Variants in ANK2 observed in about 807,000 individuals in gnomAD.
The protein encoded by ANK2 is ankyrin-2.
ANK2 carries 83 observed loss-of-function variants against 360.5 expected under a neutral mutation model. The observed-to-expected ratio is 0.23, with a 90% CI of 0.19 to 0.28. The LOEUF is 0.28. ANK2 is among the 10% of genes least tolerant of loss of function. The pLI is 1.00. For missense variants in ANK2, 4,201 were observed against 4,795.7 expected (o/e 0.88, Z 3.66); for synonymous variants, 1,740 against 1,759.5 (o/e 0.99, Z 0.28).
Position 113,277,859 on chromosome 4 carries a change from T to C in ANK2, c.1706T>C (p.Val569Ala). Residue 569 changes from valine (V) to alanine (A), a missense_variant, in exon 16 of 46, where the codon GTA (valine) becomes GCA (alanine). Transcript: ENST00000357077. ...ATKKGFTPLH[V>A]AAKYGSLDVA... ...CAGAAGGGTTTTACTCCCCTGCATG[T>C]AGCAGCCAAGTATGGAAGCCTGGAT... 1 of 1,613,932 alleles carries C rather than the reference T, an allele frequency of 6.2e-7. No homozygotes were observed. Among genetic ancestry groups the C allele is most frequent in the Non-Finnish European group, 8.5e-7 (1 of 1,179,776 alleles).
the ANK2 span, among the ~76,000 whole-genome samples, chr4:112,782,304 T>C: frequency 6.6e-6 from 1 of 152,234 alleles, no homozygotes; most frequent in East Asian, 1.9e-4. Flanking sequence ...TGAGTCATTA[T>C]ACTATTCTCT....
chr4:112,915,872 A>C (rs919461903), intron 2 of ANK2, among the ~76,000 whole-genome samples: 4 of 151,998 alleles, frequency 2.6e-5, no homozygotes, highest in Non-Finnish European at 5.9e-5. Context: ...TGGGCACATG[A>C]ATTTGCTTAG....
the ANK2 span, among the ~76,000 whole-genome samples, chr4:112,778,446 A>G: frequency 4.6e-5 from 7 of 152,242 alleles, no homozygotes; most frequent in Non-Finnish European, 8.8e-5. Flanking sequence ...TGCTGGGATT[A>G]CAGGCATGAA....
chr4:113,233,296 G>A (rs1452224250), intron 5 of ANK2, among the ~76,000 whole-genome samples: 3 of 149,954 alleles, frequency 2.0e-5, no homozygotes, highest in East Asian at 2.0e-4. Context: ...CACTACGCCC[G>A]GCTAATTTTT....
At chr4:112,938,593 A>C (rs2154244220) in intron 2 of ANK2, among the ~76,000 whole-genome samples, 1 of 152,392 alleles carries the variant, frequency 6.6e-6, no homozygotes, top group Non-Finnish European at 1.5e-5. Flanking sequence ...AAATTAAAGC[A>C]AACAAAAAGA....
In ANK2 at chr4:112,953,538, A is replaced by C. The variant is rs77670741; in HGVS notation, c.21+49024A>C. Among the ~76,000 whole-genome samples, 495 of 152,340 alleles carry C rather than the reference A, an allele frequency of 3.2e-3. 2 individuals carry two copies. The highest frequency in any genetic ancestry group is 7.0e-3 in the South Asian group (34 of 4,830). On this transcript the variant is annotated intron_variant, in intron 2 of 30. Coordinates refer to the ANK2 transcript ENST00000503271. ...ACACAATTGTTGGGAGAATCCCATT[A>C]CTTGTTTGTGGAGAGGATTACATAC... is the stretch of plus-strand genomic sequence containing the variant.
rs2097285064 is a variant in ANK2, at chr4:113,156,262, G to A, written c.85-18154G>A. 2.0e-5 allele frequency among the ~76,000 whole-genome samples: 3 copies of A among 148,638 alleles called. No individual in the cohort carries two copies. In the South Asian group the frequency reaches 6.4e-4, roughly 32 times the overall value. On this transcript the variant is annotated intron_variant, in intron 1 of 45. Coordinates refer to ENST00000357077, the MANE Select transcript of ANK2 (RefSeq NM_001148.6). ...CTTTTTAAACTTTTGTGTGGTATAG[G>A]CTATACTAACTTTGTAATGTTTATT...
chr4:113,076,076 CA>C (rs1479637116), intron 1 of ANK2, among the ~76,000 whole-genome samples: 1 of 152,174 alleles, frequency 6.6e-6, no homozygotes, highest in African/African-American at 2.4e-5. Context: ...TTTGAGAAAA[CA>C]AAAACAAAAA....
intron 2 of ANK2, among the ~76,000 whole-genome samples, chr4:112,909,715 G>A (rs1278451944): frequency 7.2e-5 from 11 of 152,182 alleles, no homozygotes; most frequent in Admixed American, 2.6e-4. Context: ...TGTGATGAGC[G>A]TTTCTGTACC....
At chr4:113,202,508 C>T (rs1236596964) in intron 4 of ANK2, among the ~76,000 whole-genome samples, 1 of 152,146 alleles carries the variant, frequency 6.6e-6, no homozygotes, top group East Asian at 1.9e-4. Flanking sequence ...TAATTTAAAC[C>T]ACTGAAATGC....
intron 1 of ANK2, among the ~76,000 whole-genome samples, chr4:113,132,821 G>A (rs1178650089): frequency 1.3e-5 from 2 of 152,040 alleles, no homozygotes; most frequent in Non-Finnish European, 2.9e-5. Flanking sequence ...GGGAATCAAG[G>A]AAAAAGGGGC....
chr4:113,264,294 C>T (rs1208548086), intron 13 of ANK2, among the ~76,000 whole-genome samples: 1 of 152,054 alleles, frequency 6.6e-6, no homozygotes, highest in Non-Finnish European at 1.5e-5. Flanking sequence ...TAATTTTTTG[C>T]AACGTGTTGA....
intron 1 of ANK2, among the ~76,000 whole-genome samples, chr4:112,899,904 CTGAA>C (rs142040933): frequency 2.6e-5 from 4 of 152,016 alleles, no homozygotes; most frequent in African/African-American, 7.2e-5. Context: ...AAACCACAGG[CTGAA>C]TGAATGAATG....
At chr4:112,720,723 A>G in the ANK2 span, among the ~76,000 whole-genome samples, 1 of 152,250 alleles carries the variant, frequency 6.6e-6, no homozygotes, top group Non-Finnish European at 1.5e-5. Flanking sequence ...GAAGGAAAAC[A>G]TAGAGTTTGG....
At chr4:112,747,401 A>T in the ANK2 span, among the ~76,000 whole-genome samples, 1 of 152,242 alleles carries the variant, frequency 6.6e-6, no homozygotes, top group Non-Finnish European at 1.5e-5. Context: ...TGTAAAAATC[A>T]CATTCAAATG....
intron 2 of ANK2, among the ~76,000 whole-genome samples, chr4:112,977,098 C>G (rs1254810813): frequency 1.3e-5 from 2 of 152,124 alleles, no homozygotes; most frequent in Non-Finnish European, 2.9e-5. Flanking sequence ...ATGGTTTATA[C>G]TGGGCCACAT....
intron 13 of ANK2, among the ~76,000 whole-genome samples, chr4:113,262,721 A>G (rs2053640401): frequency 6.6e-6 from 1 of 150,486 alleles, no homozygotes; most frequent in African/African-American, 2.5e-5. Context: ...ACATTGTGTT[A>G]GGTATTATAA....
At chr4:113,152,191 C>T (rs2097124332) in intron 1 of ANK2, 1 of 150,394 alleles carries the variant, frequency 6.6e-6, no homozygotes, top group African/African-American at 2.4e-5. Context: ...TTTGTATTTA[C>T]TTGAACTATG....
chr4:113,012,632 C>T (rs558021493), intron 2 of ANK2, among the ~76,000 whole-genome samples: 1 of 152,078 alleles, frequency 6.6e-6, no homozygotes, highest in Non-Finnish European at 1.5e-5. Flanking sequence ...ATAATTTTAT[C>T]ACTATATCTG....
Sources: gnomAD v4.1 joint callset for allele counts (sites outside exome capture counted in the v4.1 genomes callset) on GRCh38, gnomAD v4.1.1 for gene constraint, MANE v1.5 for transcripts, NCBI Gene and HGNC (gene_info 2026-07-23, HGNC 2026-07-21) for gene names.